The following TTC6 variants were observed in gnomAD, a reference collection of about 807,000 sequenced individuals.
TTC6 encodes tetratricopeptide repeat domain 6.
TTC6 carries 172 observed loss-of-function variants against 210.4 expected under a neutral mutation model. The ratio of observed to expected loss-of-function variants is 0.82; its 90% CI spans 0.72 to 0.93. TTC6 has a LOEUF of 0.93. Among genes scored for constraint, TTC6 ranks in the 40% least tolerant of loss-of-function variants. TTC6 has a pLI of 0.00. For synonymous variants in TTC6, 804 were observed against 819.6 expected (o/e 0.98, Z 0.32); for missense variants, 2,414 against 2,318.1 (o/e 1.04, Z -0.85).
chr14:37,607,359 T>G (rs1332660510), intron 2 of TTC6, among the ~76,000 whole-genome samples: 1 of 152,188 alleles, frequency 6.6e-6, no homozygotes, highest in African/African-American at 2.4e-5. Context: ...AGCTCAGTCC[T>G]TTTCAGGTCT....
exon 1 of TTC6, chr14:37,622,990 A>G (rs1228059550): frequency 6.8e-7 from 1 of 1,472,348 alleles, no homozygotes; most frequent in Non-Finnish European, 9.0e-7. Context: ...CAGAACTACG[A>G]CATTACAATG....
chr14:37,837,249 C>T, intron 29 of TTC6: 1 of 321,176 alleles, frequency 3.1e-6, no homozygotes, highest in South Asian at 2.5e-5. Context: ...GAAGGTATGC[C>T]TTGTGATGTA....
intron 1 of TTC6, among the ~76,000 whole-genome samples, chr14:37,636,853 T>C (rs2095681781): frequency 6.6e-6 from 1 of 152,192 alleles, no homozygotes; most frequent in African/African-American, 2.4e-5. Flanking sequence ...ATGGTTGAAA[T>C]AATTTTGAAA....
chr14:37,837,400 G>A (rs1018593189), intron 29 of TTC6: 2 of 455,366 alleles, frequency 4.4e-6, no homozygotes, highest in African/African-American at 4.0e-5. Context: ...CTCTTCAGGA[G>A]TGAATCCTCT....
chr14:37,735,570 G>T (rs2095899410), intron 7 of TTC6, among the ~76,000 whole-genome samples: 1 of 152,152 alleles, frequency 6.6e-6, no homozygotes, highest in South Asian at 2.1e-4. Context: ...AAGAAAACTA[G>T]ATATGTCTTG....
chr14:37,798,440 T>C (rs977490521), intron 20 of TTC6, among the ~76,000 whole-genome samples: 3 of 152,054 alleles, frequency 2.0e-5, no homozygotes, highest in Admixed American at 1.3e-4. Context: ...GAAACTGATT[T>C]TGGAATACTT....
intron 13 of TTC6, 95 bp downstream of exon 15, chr14:37,751,320 A>G (rs2095951257): frequency 3.8e-6 from 3 of 791,496 alleles, no homozygotes; most frequent in African/African-American, 3.6e-5. Flanking sequence ...GTCTTTTTGT[A>G]TATATTATAT....
rs1566973707 is a variant in TTC6 at position 37,820,908 on chromosome 14, C to CTCCTCCTT, written c.4764-2839_4764-2838insTCCTCCTT. Among the ~76,000 whole-genome samples, 95 of 149,236 alleles carry CTCCTCCTT rather than the reference C, an allele frequency of 6.4e-4. 1 individual carries two copies. The highest frequency in any genetic ancestry group is 6.8e-3 in the Middle Eastern group (2 of 292). On this transcript the variant is annotated intron_variant, in intron 26 of 30. Coordinates refer to ENST00000553443, the Ensembl canonical transcript of TTC6. ...TCCTTCTCCTCCTTCTCCTCCTTCT[C>CTCCTCCTT]CTCCTCCTTCTCCTCCTTCTTCTCC...
At chr14:37,831,615 A>AT (rs61214077) in intron 29 of TTC6, among the ~76,000 whole-genome samples, 4 of 150,872 alleles carry the variant, frequency 2.7e-5, no homozygotes, top group African/African-American at 7.3e-5. Context: ...TGCAATAGCC[A>AT]TTTTTTTTTT....
At chr14:37,625,932 T>C (rs1280339681) in intron 1 of TTC6, among the ~76,000 whole-genome samples, 2 of 152,222 alleles carry the variant, frequency 1.3e-5, no homozygotes, top group South Asian at 2.1e-4. Context: ...TTTCTCAACA[T>C]TGGCACTATT....
Position 37,787,653 on chromosome 14 carries a change from T to A in TTC6, c.3436+16T>A. On this transcript the variant is annotated intron_variant, in intron 15 of 30. Transcript: ENST00000553443. Reference sequence around the variant, plus strand: ...AGTGTTTCAGGTACTTTGCCTTCAATTACATGTATATAGCAACCCAATCTG... The same window carrying A: ...AGTGTTTCAGGTACTTTGCCTTCAAATACATGTATATAGCAACCCAATCTG... 1.4e-6 allele frequency: 2 copies of A among 1,439,386 alleles called. No homozygotes were observed. Among genetic ancestry groups the A allele is most frequent in the Non-Finnish European group, 1.8e-6 (2 of 1,089,576 alleles). The allele number at this position is 1,439,386 out of a possible 1,614,324, so 89.2% of individuals were successfully genotyped here.
exon 31 of TTC6, chr14:37,842,177 T>A: frequency 6.3e-7 from 1 of 1,593,824 alleles, no homozygotes; most frequent in Non-Finnish European, 8.5e-7. Flanking sequence ...AGCCTAATGA[T>A]GCTCTAGTAT....
intron 14 of TTC6, among the ~76,000 whole-genome samples, chr14:37,757,505 C>T (rs1251687626): frequency 6.6e-6 from 1 of 152,016 alleles, no homozygotes; most frequent in African/African-American, 2.4e-5. Flanking sequence ...GATCTCCTGA[C>T]CTCGTGATCC....
At chr14:37,767,458 C>T (rs1435456016) in intron 14 of TTC6, among the ~76,000 whole-genome samples, 3 of 152,126 alleles carry the variant, frequency 2.0e-5, no homozygotes, top group Non-Finnish European at 2.9e-5. Context: ...CTCTCCAGCA[C>T]CTGTTGTTTC....
At chr14:37,759,540 T>C (rs2095977814) in intron 14 of TTC6, among the ~76,000 whole-genome samples, 1 of 152,194 alleles carries the variant, frequency 6.6e-6, no homozygotes, top group Non-Finnish European at 1.5e-5. Context: ...CGAATTTGAA[T>C]GTTGGCCTGT....
At chr14:37,760,199 T>TTGTTGA (rs1356679156) in intron 14 of TTC6, among the ~76,000 whole-genome samples, 14 of 152,006 alleles carry the variant, frequency 9.2e-5, no homozygotes, top group Non-Finnish European at 1.8e-4. Flanking sequence ...GGTGTCCTTT[T>TTGTTGA]TGTTGATGTT....
intron 29 of TTC6, among the ~76,000 whole-genome samples, chr14:37,840,819 T>C (rs985712194): frequency 6.6e-6 from 1 of 152,178 alleles, no homozygotes; most frequent in Non-Finnish European, 1.5e-5. Flanking sequence ...CTTTAACATT[T>C]TTTAGCTCTA....
At chr14:37,742,169 G>A (rs924366406) in intron 10 of TTC6, among the ~76,000 whole-genome samples, 2 of 152,108 alleles carry the variant, frequency 1.3e-5, no homozygotes, top group African/African-American at 4.8e-5. Context: ...TTTGCCAATG[G>A]CGTTCCTATC....
chr14:37,611,852 G>GT (rs1374574250), intron 2 of TTC6, among the ~76,000 whole-genome samples: 4 of 152,114 alleles, frequency 2.6e-5, no homozygotes, highest in South Asian at 2.1e-4. Context: ...ATAGAGACCA[G>GT]TTTCCTGAGT....
Sources: allele counts gnomAD v4.1 joint callset (sites outside exome capture counted in the v4.1 genomes callset), GRCh38; gene constraint gnomAD v4.1.1; transcripts MANE v1.5; gene names NCBI Gene and HGNC (gene_info 2026-07-23, HGNC 2026-07-21).